The following ZNF292 variants were observed in gnomAD, a reference collection of about 807,000 sequenced individuals.
ZNF292 encodes zinc finger protein 292, also known as 16 zinc-finger domain protein.
A neutral mutation model predicts 217.9 loss-of-function variants in ZNF292; 26 were observed. That is an observed-to-expected ratio of 0.12 (90% CI 0.09 to 0.17). The LOEUF (loss-of-function observed/expected upper bound fraction) is 0.17, where lower values mean the gene tolerates loss of function less well. ZNF292 is among the 10% of genes least tolerant of loss of function. The pLI, the probability that ZNF292 is intolerant of heterozygous loss-of-function variation, is 1.00. For missense variants in ZNF292, 2,904 were observed against 3,175.2 expected, an observed-to-expected ratio of 0.91 and a Z score of 2.05; for synonymous variants, 1,257 against 1,124.1, an observed-to-expected ratio of 1.12 and a Z score of -2.37.
rs76690660 is a variant in ZNF292 at position 87,259,868 on chromosome 6, G to A, written c.6239G>A (p.Arg2080Gln). 1.7e-4 allele frequency: 273 copies of A among 1,613,304 alleles called. No homozygotes were observed. In the East Asian group the frequency reaches 5.1e-3, roughly 30 times the overall value. Residue 2080 changes from arginine (R) to glutamine (Q), a missense_variant, in exon 8 of 8, where the codon CGG becomes CAG. Coordinates refer to ENST00000369577, the MANE Select transcript of ZNF292 (RefSeq NM_015021.3). The part of the protein sequence containing the change: ...NALTNTQTKG[R>Q]KIRRHKKEKE... ...CTCACAAACACACAAACCAAAGGACGGAAGATTAGGAGGCATAAAAAAGAA... is the reference window on the plus strand; with the variant it reads ...CTCACAAACACACAAACCAAAGGACAGAAGATTAGGAGGCATAAAAAAGAA...
At position 87,155,629 on chromosome 6, in the gene ZNF292, G is replaced by T; in HGVS notation, c.38G>T (p.Cys13Phe). ...GAGGCCGAGCAGGAGAGGTTGAGTT[G>T]CGGCGAAGGCGGCTGCGTCGCGGAG... Reference protein sequence around the residue: ...DEEAEQERLSCGEGGCVAELQ... With the variant: ...DEEAEQERLSFGEGGCVAELQ... The change falls in exon 1 of 8, where the codon TGC becomes TTC. Residue 13 changes from cysteine to phenylalanine, a missense_variant. Physicochemically the swap from Cys to Phe is radical, Grantham distance 205. Transcript: ENST00000369577. The T allele has an allele frequency of 6.3e-7, 1 of 1,581,728 alleles. No homozygotes were observed.
At chr6:87,202,019 C>T (rs111517381) in intron 1 of ZNF292, among the ~76,000 whole-genome samples, 1,715 of 152,268 alleles carry the variant, frequency 0.011, 9 homozygotes, top group Non-Finnish European at 0.013. Context: ...GATAATCTTC[C>T]AAATTCAAAA....
At chr6:87,157,330 T>G (rs924058495) in intron 1 of ZNF292, among the ~76,000 whole-genome samples, 4 of 152,208 alleles carry the variant, frequency 2.6e-5, no homozygotes, top group Admixed American at 1.3e-4. Flanking sequence ...TGTTGAAATT[T>G]CTCAGTTTCT....
At chr6:87,188,685 C>T (rs761583712) in intron 1 of ZNF292, among the ~76,000 whole-genome samples, 2 of 147,156 alleles carry the variant, frequency 1.4e-5, no homozygotes, top group Non-Finnish European at 3.0e-5. Context: ...GTTTAATTTT[C>T]TGCATTGTAT....
At chr6:87,245,745 A>C in intron 7 of ZNF292, 101 bp downstream of exon 7, 1 of 774,526 alleles carries the variant, frequency 1.3e-6, no homozygotes. Flanking sequence ...GTGATTTTTA[A>C]ATTTTTTCAG....
chr6:87,161,461 C>T (rs1280278463), intron 1 of ZNF292, among the ~76,000 whole-genome samples: 2 of 152,232 alleles, frequency 1.3e-5, no homozygotes, highest in Non-Finnish European at 2.9e-5. Flanking sequence ...TCCACTCTGT[C>T]ACCCAGGTGG....
rs376610075 is a variant in ZNF292 at position 87,254,916 on chromosome 6, C to T, written c.1287C>T (p.Arg429=). 101 of 1,613,710 alleles carry T rather than the reference C, an allele frequency of 6.3e-5. No homozygotes were observed. Among genetic ancestry groups the T allele is most frequent in the Non-Finnish European group, 8.0e-5 (94 of 1,179,836 alleles). Residue 429 remains arginine (R), a synonymous_variant, in exon 8 of 8, where the codon CGC becomes CGT. Transcript: ENST00000369577. The stretch of plus-strand genomic sequence containing the variant: ...ATCTTCCAATACCAAATTCTTTACG[C>T]TGTGAGCTGTTACTTGTATTGAAAA... ...EENLPIPNSL[R]CELLLVLKTQ... is the part of the protein sequence containing the mutation.
At chr6:87,236,775 C>T (rs991436368) in intron 5 of ZNF292, among the ~76,000 whole-genome samples, 6 of 152,084 alleles carry the variant, frequency 3.9e-5, no homozygotes, top group African/African-American at 9.7e-5. Context: ...CCCTGGTTGC[C>T]GGTCCCTTTT....
Position 87,261,008 on chromosome 6 carries a change from A to T in ZNF292, c.7379A>T (p.Asp2460Val). The change falls in exon 8 of 8, where the codon GAT (aspartate) becomes GTT (valine). Residue 2460 changes from aspartate (D) to valine (V), a missense_variant. Around this residue, in one of 15 missense-constraint regions of ZNF292, gnomAD observed 380 missense variants for 355.3 expected, o/e 1.07. Transcript: ENST00000369577. ...GACACGTGTGTATCAGAGAGCAATG[A>T]TAATTCAAGAACAACAGCTACAGTT... Reference protein sequence around the residue: ...DSDTCVSESNDNSRTTATVSQ... With the variant: ...DSDTCVSESNVNSRTTATVSQ... 1 of 1,605,294 alleles carries T rather than the reference A, an allele frequency of 6.2e-7. No homozygotes were observed. The highest frequency in any genetic ancestry group is 8.5e-7 in the Non-Finnish European group (1 of 1,175,256).
chr6:87,218,231 A>G (rs1772887735), intron 3 of ZNF292, among the ~76,000 whole-genome samples: 1 of 152,104 alleles, frequency 6.6e-6, no homozygotes. Context: ...TCTTTTTATT[A>G]ATGGTAGATT....
chr6:87,172,982 T>C (rs190411049), intron 1 of ZNF292, among the ~76,000 whole-genome samples: 1 of 152,196 alleles, frequency 6.6e-6, no homozygotes, highest in East Asian at 1.9e-4. Flanking sequence ...CAAATAAAAT[T>C]AAAAACCTAT....
In ZNF292 at chr6:87,245,660, A is replaced by G; in HGVS notation, c.1020+16A>G. The G allele has an allele frequency of 5.0e-6, 7 of 1,408,822 alleles. No individual in the cohort carries two copies. The highest frequency in any genetic ancestry group is 6.8e-6 in the Non-Finnish European group (7 of 1,032,872). The allele number at this position is 1,408,822 out of a possible 1,614,324, so 87.3% of individuals were successfully genotyped here. ...TAATTCAGAGGTAAGAATAATCAGA[A>G]TATTTTTAAGGTTAAAATGTGTACA... On this transcript the variant is annotated intron_variant, in intron 7 of 7. Coordinates refer to ENST00000369577, the MANE Select transcript of ZNF292 (RefSeq NM_015021.3).
chr6:87,226,405 G>T (rs1180800479), intron 4 of ZNF292, among the ~76,000 whole-genome samples: 2 of 151,904 alleles, frequency 1.3e-5, no homozygotes, highest in Non-Finnish European at 2.9e-5. Context: ...TAATATTTTA[G>T]CAGGAGAGGG....
At chr6:87,234,721 T>C (rs981055543) in intron 5 of ZNF292, among the ~76,000 whole-genome samples, 6 of 152,054 alleles carry the variant, frequency 3.9e-5, no homozygotes, top group African/African-American at 1.2e-4. Flanking sequence ...CATAAGGATA[T>C]GTTAAGGGAA....
chr6:87,156,756 T>C (rs931795157), intron 1 of ZNF292, among the ~76,000 whole-genome samples: 1 of 152,218 alleles, frequency 6.6e-6, no homozygotes, highest in Admixed American at 6.5e-5. Context: ...TTAATAACAC[T>C]GTTTGCTAGT....
intron 6 of ZNF292, 138 bp downstream of exon 6, chr6:87,243,749 T>C: frequency 1.2e-6 from 1 of 817,784 alleles, no homozygotes; most frequent in South Asian, 3.9e-5. Flanking sequence ...TTACATGCTG[T>C]GCAAACTTAT....
chr6:87,228,381 G>GA (rs1773472048), intron 4 of ZNF292, among the ~76,000 whole-genome samples: 1 of 151,938 alleles, frequency 6.6e-6, no homozygotes, highest in Non-Finnish European at 1.5e-5. Flanking sequence ...TTTTCACTCT[G>GA]GTGAAAAGGT....
intron 1 of ZNF292, among the ~76,000 whole-genome samples, chr6:87,203,293 C>G (rs1772146781): frequency 6.6e-6 from 1 of 151,752 alleles, no homozygotes; most frequent in Non-Finnish European, 1.5e-5. Flanking sequence ...AGGCACATGT[C>G]ACCATATCTG....
chr6:87,210,649 G>A (rs1295482163), intron 1 of ZNF292, among the ~76,000 whole-genome samples: 2 of 152,040 alleles, frequency 1.3e-5, no homozygotes, highest in Non-Finnish European at 2.9e-5. Context: ...GCTTGGTGGC[G>A]GGCGTCTGTA....
Sources: allele counts gnomAD v4.1 joint callset (sites outside exome capture counted in the v4.1 genomes callset), GRCh38; gene constraint gnomAD v4.1.1; regional missense constraint gnomAD v4.1.1; transcripts MANE v1.5; gene names NCBI Gene and HGNC (gene_info 2026-07-23, HGNC 2026-07-21).